Variants in TLN2 observed in about 807,000 individuals in gnomAD.
The protein encoded by TLN2 is talin-2.
A neutral mutation model predicts 294.7 loss-of-function variants in TLN2; 118 were observed. The ratio of observed to expected loss-of-function variants is 0.40; its 90% confidence interval spans 0.34 to 0.47. TLN2 has a LOEUF of 0.47. Ranked by LOEUF, TLN2 falls within the 20% of genes least tolerant of loss-of-function variation. The probability of loss-of-function intolerance (pLI) is 0.84; values close to 1 mark genes in which losing one functional copy is unlikely to be tolerated. For synonymous variants in TLN2, 1,431 were observed against 1,304.5 expected (o/e 1.10, Z -2.09); for missense variants, 3,083 against 3,282.2 (o/e 0.94, Z 1.48).
At chr15:62,449,944 G>A (rs1199300052) in intron 1 of TLN2, among the ~76,000 whole-genome samples, 1 of 152,166 alleles carries the variant, frequency 6.6e-6, no homozygotes, top group Non-Finnish European at 1.5e-5. Context: ...CCTTCTTGCT[G>A]TTTCTTGTCT....
chr15:62,546,600 A>T (rs2140538157), intron 1 of TLN2, among the ~76,000 whole-genome samples: 1 of 152,308 alleles, frequency 6.6e-6, no homozygotes, highest in Non-Finnish European at 1.5e-5. Flanking sequence ...ATCCAGTTGC[A>T]AGGACAGCAT....
chr15:62,448,968 T>C lies in TLN2; in HGVS notation c.-238+58283T>C, dbSNP rs114575676. On this transcript the variant is annotated intron_variant, in intron 1 of 58. Coordinates refer to ENST00000636159, the MANE Select transcript of TLN2 (RefSeq NM_015059.3). The stretch of plus-strand genomic sequence containing the variant: ...ATTTTGCAGGGCAACTGGCTTCTTA[T>C]TCCTTTTGCACTCCTTAGTGGTGTC... 5.2e-3 allele frequency among the ~76,000 whole-genome samples: 786 copies of C among 152,334 alleles called. 7 individuals carry two copies. The highest frequency in any genetic ancestry group is 0.018 in the African/African-American group (742 of 41,570).
intron 1 of TLN2, among the ~76,000 whole-genome samples, chr15:62,503,845 A>G (rs1489866056): frequency 6.6e-6 from 1 of 151,968 alleles, no homozygotes; most frequent in Non-Finnish European, 1.5e-5. Flanking sequence ...CTGGGCTCAC[A>G]CCCCTTCCCC....
Position 62,553,309 on chromosome 15 carries a change from C to G in TLN2, c.-237-36378C>G, listed in dbSNP as rs199642179. Among the ~76,000 whole-genome samples the G allele has an allele frequency of 1.5e-4, 23 of 152,148 alleles. No individual in the cohort carries two copies. In the East Asian group the frequency reaches 4.5e-3, roughly 29 times the overall value. On this transcript the variant is annotated intron_variant, in intron 1 of 58. Coordinates refer to ENST00000636159, the MANE Select transcript of TLN2 (RefSeq NM_015059.3). ...GGAGTTCGAGACCAGCCTGGCCAACCTGGTGAAACACCATCTCTACTAAAA... is the reference window on the plus strand; with the variant it reads ...GGAGTTCGAGACCAGCCTGGCCAACGTGGTGAAACACCATCTCTACTAAAA...
Position 62,781,826 on chromosome 15 carries a change from T to TTTTG in TLN2, c.5616+601_5616+604dup, listed in dbSNP as rs1009510080. ...TTTTGGTTTGGTTTGGTTTTTGTTG[T>TTTTG]TTTGTTTGTTTGTTTGTTTTTCTAA... is the stretch of plus-strand genomic sequence containing the variant. On this transcript the variant is annotated intron_variant, in intron 44 of 58. Transcript: ENST00000636159. Among the ~76,000 whole-genome samples, 7 of 152,268 alleles carry TTTTG rather than the reference T, an allele frequency of 4.6e-5. No individual in the cohort carries two copies. The East Asian group carries it at 1.2e-3, about 25-fold the overall frequency.
chr15:62,472,128 C>T (rs776525534), intron 1 of TLN2, among the ~76,000 whole-genome samples: 1 of 152,126 alleles, frequency 6.6e-6, no homozygotes, highest in Non-Finnish European at 1.5e-5. Context: ...TGAGTCAGTC[C>T]CAAGGACTGA....
intron 3 of TLN2, among the ~76,000 whole-genome samples, chr15:62,624,845 C>T (rs146497498): frequency 6.6e-4 from 101 of 152,266 alleles, no homozygotes; most frequent in African/African-American, 2.2e-3. Flanking sequence ...AATGTGACAG[C>T]TACTGACCAA....
intron 3 of TLN2, among the ~76,000 whole-genome samples, chr15:62,627,350 C>T (rs2049369421): frequency 6.6e-6 from 1 of 152,136 alleles, no homozygotes; most frequent in African/African-American, 2.4e-5. Flanking sequence ...ATAGGTGTTC[C>T]CTTTCTGTCT....
At chr15:62,717,231 C>T (rs534914018) in intron 23 of TLN2, among the ~76,000 whole-genome samples, 20 of 152,264 alleles carry the variant, frequency 1.3e-4, no homozygotes, top group Non-Finnish European at 2.1e-4. Flanking sequence ...GAACCATCTA[C>T]GCTGCTTGTG....
intron 1 of TLN2, among the ~76,000 whole-genome samples, chr15:62,444,008 T>C (rs528358259): frequency 1.3e-5 from 2 of 152,206 alleles, no homozygotes; most frequent in East Asian, 3.9e-4. Flanking sequence ...AAGGGGAGAA[T>C]CTGTTTTCTA....
At position 62,703,640 on chromosome 15, in the gene TLN2, C is replaced by CAT. The variant is rs1241854683; in HGVS notation, c.2004+777_2004+778insTA. On this transcript the variant is annotated intron_variant, in intron 19 of 58. Transcript: ENST00000636159. ...ACACACACGCGCGCACACACACACA[C>CAT]ACACACACACAGAGAAAGAGAGAGA... is the stretch of plus-strand genomic sequence containing the variant. 2.8e-5 allele frequency among the ~76,000 whole-genome samples: 4 copies of CAT among 143,562 alleles called. No homozygotes were observed. In the Admixed American group the frequency reaches 2.9e-4, roughly 10 times the overall value. The allele number at this position is 143,562 out of a possible 152,430, so 94.2% of individuals were successfully genotyped here. A position where few individuals can be genotyped will look rare whatever the true frequency, so the allele number is the denominator to read the frequency against.
Position 62,675,254 on chromosome 15 carries a change from C to T in TLN2, c.890C>T (p.Ala297Val), listed in dbSNP as rs1299875600. Residue 297 changes from alanine (A) to valine (V), a missense_variant, in exon 11 of 59, where the codon GCC becomes GTC. By Grantham distance (64) the Ala-to-Val change is moderately conservative. Coordinates refer to ENST00000636159, the MANE Select transcript of TLN2 (RefSeq NM_015059.3). ...TGCGGAGAGATGAGTGAGATAGAAG[C>T]CAAGGTCAAGTACGTCAAACTCGCA... is the stretch of plus-strand genomic sequence containing the variant. ...KNCGEMSEIE[A>V]KVKYVKLARS... 6.2e-7 allele frequency: 1 copy of T among 1,614,108 alleles called. No homozygotes were observed. The highest frequency in any genetic ancestry group is 8.5e-7 in the Non-Finnish European group (1 of 1,180,048).
intron 1 of TLN2, among the ~76,000 whole-genome samples, chr15:62,551,170 CT>C (rs984474184): frequency 1.3e-5 from 2 of 152,094 alleles, no homozygotes; most frequent in African/African-American, 4.8e-5. Context: ...GGAGGCGGAT[CT>C]CAGGTGGTAA....
At chr15:62,781,356 T>A (rs2064150871) in intron 44 of TLN2, 115 bp downstream of exon 44, 1 of 722,714 alleles carries the variant, frequency 1.4e-6, no homozygotes, top group South Asian at 1.7e-5. Context: ...CACTCTCTAG[T>A]CCCTCAGGGG....
chr15:62,529,945 A>G (rs2040952392), intron 1 of TLN2, among the ~76,000 whole-genome samples: 1 of 152,152 alleles, frequency 6.6e-6, no homozygotes, highest in Non-Finnish European at 1.5e-5. Flanking sequence ...TAATCCCGGC[A>G]CTTTGGGAGG....
At chr15:62,650,620 A>G (rs182223474) in intron 5 of TLN2, among the ~76,000 whole-genome samples, 2 of 152,322 alleles carry the variant, frequency 1.3e-5, no homozygotes. Flanking sequence ...AATAATGATC[A>G]GTAGTAGTAA....
At chr15:62,655,817 T>C (rs2053144226) in intron 7 of TLN2, 127 bp from the exon 8 acceptor site, 1 of 1,074,710 alleles carries the variant, frequency 9.3e-7, no homozygotes, top group African/African-American at 1.6e-5. Context: ...AAATAAGAAA[T>C]AACTATAACT....
intron 9 of TLN2, among the ~76,000 whole-genome samples, chr15:62,663,141 T>C (rs1229677390): frequency 1.3e-5 from 2 of 152,088 alleles, no homozygotes; most frequent in Non-Finnish European, 2.9e-5. Context: ...CATTTTAGAA[T>C]GGATTACCAA....
chr15:62,632,896 T>C (rs2050042488), intron 3 of TLN2, among the ~76,000 whole-genome samples: 1 of 151,874 alleles, frequency 6.6e-6, no homozygotes, highest in Non-Finnish European at 1.5e-5. Context: ...GTTTCATCTG[T>C]ATTAGAGTAA....
Sources: allele counts gnomAD v4.1 joint callset (sites outside exome capture counted in the v4.1 genomes callset), GRCh38; gene constraint gnomAD v4.1.1; transcripts MANE v1.5; gene names NCBI Gene and HGNC (gene_info 2026-07-23, HGNC 2026-07-21).